The following STK32B variants were observed in gnomAD, a reference collection of about 807,000 sequenced individuals.
STK32B encodes serine/threonine-protein kinase 32B.
STK32B carries 43 observed loss-of-function variants against 52.6 expected under a neutral mutation model. The ratio of observed to expected loss-of-function variants is 0.82; its 90% CI spans 0.64 to 1.05. The LOEUF is 1.05. STK32B is among the 50% of genes least tolerant of loss of function. STK32B has a pLI of 0.00. For synonymous variants in STK32B, 238 were observed against 204.3 expected (o/e 1.17, Z -1.41); for missense variants, 621 against 534.6 (o/e 1.16, Z -1.59).
At chr4:5,449,493 A>C (rs1409744677) in intron 7 of STK32B, among the ~76,000 whole-genome samples, 1 of 152,218 alleles carries the variant, frequency 6.6e-6, no homozygotes, top group Non-Finnish European at 1.5e-5. Context: ...TGAGGAGCCA[A>C]GCATGCTTTA....
chr4:5,276,362 T>A (rs1353795579), intron 3 of STK32B, among the ~76,000 whole-genome samples: 1 of 152,150 alleles, frequency 6.6e-6, no homozygotes, highest in East Asian at 1.9e-4. Flanking sequence ...TCCAGACTTG[T>A]TAGAATGTGC....
intron 4 of STK32B, among the ~76,000 whole-genome samples, chr4:5,367,979 C>G (rs1015645124): frequency 6.6e-6 from 1 of 152,190 alleles, no homozygotes; most frequent in East Asian, 1.9e-4. Flanking sequence ...TCTTTTCCCT[C>G]TGTCTCTTAC....
intron 3 of STK32B, among the ~76,000 whole-genome samples, chr4:5,315,476 C>T (rs867660858): frequency 2.6e-5 from 4 of 151,424 alleles, no homozygotes; most frequent in African/African-American, 7.3e-5. Context: ...AATTAATATG[C>T]ATAAACTCAA....
chr4:5,225,384 G>A (rs1266145196), intron 3 of STK32B, among the ~76,000 whole-genome samples: 1 of 152,102 alleles, frequency 6.6e-6, no homozygotes, highest in Non-Finnish European at 1.5e-5. Flanking sequence ...TCCAGCCTGG[G>A]TGACAGAGTA....
At chr4:5,178,709 C>T (rs866477235) in intron 3 of STK32B, among the ~76,000 whole-genome samples, 14 of 152,358 alleles carry the variant, frequency 9.2e-5, no homozygotes, top group Middle Eastern at 6.8e-3. Flanking sequence ...GCAAGGGCAA[C>T]ATGCTGACAG....
intron 3 of STK32B, among the ~76,000 whole-genome samples, chr4:5,272,720 G>C (rs1382358830): frequency 6.6e-6 from 1 of 150,790 alleles, no homozygotes; most frequent in African/African-American, 2.4e-5. Flanking sequence ...TGACAAACCT[G>C]AGAAAAACAA....
chr4:5,140,251 AC>A (rs1716335591), intron 2 of STK32B: 1 of 1,426,438 alleles, frequency 7.0e-7, no homozygotes. Flanking sequence ...TTGAAAAAAA[AC>A]CCATAAACAT....
At chr4:5,434,857 T>A (rs1022910736) in intron 6 of STK32B, among the ~76,000 whole-genome samples, 1 of 152,178 alleles carries the variant, frequency 6.6e-6, no homozygotes, top group Non-Finnish European at 1.5e-5. Context: ...ATGGCCCCCC[T>A]AAGATCGCAA....
chr4:5,464,450 T>C (rs1228038303), intron 9 of STK32B, among the ~76,000 whole-genome samples: 1 of 152,190 alleles, frequency 6.6e-6, no homozygotes, highest in Non-Finnish European at 1.5e-5. Flanking sequence ...TCTGTCGCAG[T>C]GCGCCTGCCA....
chr4:5,450,227 G>A (rs1050285403), intron 7 of STK32B, among the ~76,000 whole-genome samples: 1 of 152,102 alleles, frequency 6.6e-6, no homozygotes, highest in Non-Finnish European at 1.5e-5. Context: ...GCCCAAGTAG[G>A]GGCCACTCCC....
chr4:5,477,993 C>T (rs767982664), intron 11 of STK32B, among the ~76,000 whole-genome samples: 5 of 152,100 alleles, frequency 3.3e-5, no homozygotes, highest in South Asian at 4.2e-4. Flanking sequence ...GCCTCACCTC[C>T]GAGTCTAGGG....
At chr4:5,355,167 A>G (rs1402472498) in intron 4 of STK32B, among the ~76,000 whole-genome samples, 3 of 152,232 alleles carry the variant, frequency 2.0e-5, no homozygotes, top group African/African-American at 7.2e-5. Flanking sequence ...CCCCACAGGG[A>G]TGTTGAGAAA....
chr4:5,463,611 CCACACACACCTT>C (rs995296557), intron 9 of STK32B, among the ~76,000 whole-genome samples: 2 of 151,896 alleles, frequency 1.3e-5, no homozygotes, highest in African/African-American at 4.8e-5. Flanking sequence ...ATATACTCAC[CCACACACACCTT>C]CACACACATG....
At chr4:5,270,096 G>C (rs1208838091) in intron 3 of STK32B, among the ~76,000 whole-genome samples, 1 of 152,112 alleles carries the variant, frequency 6.6e-6, no homozygotes, top group African/African-American at 2.4e-5. Context: ...TGGAATAGAA[G>C]GGATCTTCCT....
chr4:5,032,476 C>CAA, the STK32B span, among the ~76,000 whole-genome samples: 1,325 of 49,290 alleles, frequency 0.027, 1 homozygote, highest in Middle Eastern at 0.032. Context: ...GACTCCATCT[C>CAA]AAAAAAAAAA....
At chr4:5,415,378 C>G (rs868209811) in intron 5 of STK32B, among the ~76,000 whole-genome samples, 4 of 152,162 alleles carry the variant, frequency 2.6e-5, no homozygotes, top group Admixed American at 2.6e-4. Flanking sequence ...CAGCTACTCC[C>G]AACAAAGCTG....
chr4:5,195,134 C>CGCAATCG (rs1721537178), intron 3 of STK32B, among the ~76,000 whole-genome samples: 1 of 152,066 alleles, frequency 6.6e-6, no homozygotes, highest in African/African-American at 2.4e-5. Flanking sequence ...AGTGCATTGG[C>CGCAATCG]GCAATCGTAG....
At chr4:5,112,297 A>G (rs1217164990) in intron 1 of STK32B, among the ~76,000 whole-genome samples, 1 of 152,116 alleles carries the variant, frequency 6.6e-6, no homozygotes, top group East Asian at 1.9e-4. Flanking sequence ...TCTATATAAA[A>G]AGAGATTTAT....
chr4:5,175,839 G>C (rs1340361591), intron 3 of STK32B, among the ~76,000 whole-genome samples: 1 of 152,220 alleles, frequency 6.6e-6, no homozygotes, highest in Non-Finnish European at 1.5e-5. Context: ...TGTCAGACAG[G>C]GACATTTAAG....
Sources: allele counts gnomAD v4.1 joint callset (sites outside exome capture counted in the v4.1 genomes callset), GRCh38; gene constraint gnomAD v4.1.1; transcripts MANE v1.5; gene names NCBI Gene and HGNC (gene_info 2026-07-23, HGNC 2026-07-21).